MAG: variants seen among roughly 807,000 people sequenced by gnomAD.
MAG encodes myelin-associated glycoprotein.
In MAG, 30 loss-of-function variants were observed where a neutral mutation model predicts 60.7. The ratio of observed to expected loss-of-function variants is 0.49; its 90% CI spans 0.37 to 0.67. The LOEUF (loss-of-function observed/expected upper bound fraction) is 0.67. Among genes scored for constraint, MAG ranks in the 30% least tolerant of loss-of-function variants. The pLI is 0.00. For synonymous variants in MAG, 384 were observed against 376.8 expected (o/e 1.02, Z -0.22); for missense variants, 795 against 851.7 (o/e 0.93, Z 0.83).
intron 4 of MAG, among the ~76,000 whole-genome samples, chr19:35,297,798 C>T (rs533073280): frequency 6.7e-6 from 1 of 148,666 alleles, no homozygotes; most frequent in South Asian, 2.2e-4. Context: ...CCCCACATCA[C>T]AACACAAACC....
chr19:35,310,550 G>T lies in MAG; in HGVS notation c.1523G>T (p.Arg508Leu). The T allele has an allele frequency of 6.2e-7, 1 of 1,614,104 alleles. No individual in the cohort carries two copies. The highest frequency in any genetic ancestry group is 8.5e-7 in the Non-Finnish European group (1 of 1,180,032). ...SLELPFQGAH[R>L]LMWAKIGPVG... ...CCTGGGTCTTTTCTGTCCTCAGATC[G>T]ACTGATGTGGGCCAAGATCGGGCCT... Residue 508 changes from arginine (R) to leucine (L), a missense_variant, in exon 9 of 11, where the codon CGA (arginine) becomes CTA (leucine). Transcript: ENST00000392213.
chr19:35,297,990 C>G (rs1192879416), intron 4 of MAG, among the ~76,000 whole-genome samples: 1 of 149,488 alleles, frequency 6.7e-6, no homozygotes, highest in East Asian at 2.0e-4. Flanking sequence ...AAACCACACA[C>G]CACACACTGC....
rs1336850247 is a variant in MAG, at chr19:35,293,875, G to A, written c.-79-360G>A. 6.6e-6 allele frequency among the ~76,000 whole-genome samples: 1 copy of A among 152,066 alleles called. No individual in the cohort carries two copies. The highest frequency in any genetic ancestry group is 6.6e-5 in the Admixed American group (1 of 15,260). ...CGGCAGGAATTCACGCGGCATGTCG[G>A]GAATGCTGATACTGTGAAACCCAGT... On this transcript the variant is annotated intron_variant, in intron 1 of 10. Transcript: ENST00000392213. The surrounding 1 kb of genome is among the most constrained non-coding windows in gnomAD (Gnocchi z 4.0).
chr19:35,302,754 G>A, intron 7 of MAG, 46 bp downstream of exon 7: 1 of 1,595,544 alleles, frequency 6.3e-7, no homozygotes, highest in Non-Finnish European at 8.5e-7. Context: ...CGGTTCCGTG[G>A]GGGACACCAG....
rs1178131629 is a variant in MAG at position 35,293,205 on chromosome 19, G to A, written c.-80+1001G>A. Among the ~76,000 whole-genome samples, 2 of 151,824 alleles carry A rather than the reference G, an allele frequency of 1.3e-5. No individual in the cohort carries two copies. The highest frequency in any genetic ancestry group is 4.9e-5 in the African/African-American group (2 of 41,182). On this transcript the variant is annotated intron_variant, in intron 1 of 10. Transcript: ENST00000392213. This position sits in a 1 kb window ranked among gnomAD's most constrained non-coding sequence, Gnocchi z 4.0. ...TCCATCGGCGCGTGTCTGAGTGGAC[G>A]CGTCTATAGCCATCCTCAGTGTGTG...
In MAG at chr19:35,295,564, G is replaced by C; in HGVS notation, c.47-49G>C. ...GTTGGGGATGGGAGCCGGAGGGGGT[G>C]ATCGGGTAGGACGTGTCCCTGAGCC... is the stretch of plus-strand genomic sequence containing the variant. On this transcript the variant is annotated intron_variant, in intron 3 of 10. Transcript: ENST00000392213. The surrounding 1 kb of genome is among the most constrained non-coding windows in gnomAD (Gnocchi z 5.8). The C allele has an allele frequency of 6.3e-7, 1 of 1,595,398 alleles. No individual in the cohort carries two copies. The highest frequency in any genetic ancestry group is 8.5e-7 in the Non-Finnish European group (1 of 1,171,392).
Position 35,313,543 on chromosome 19 carries a change from C to T in MAG, c.*89C>T, listed in dbSNP as rs200637042. On this transcript the variant is annotated 3_prime_UTR_variant, in exon 11 of 11. Coordinates refer to ENST00000392213, the MANE Select transcript of MAG (RefSeq NM_002361.4). Reference sequence around the variant, plus strand: ...TGGGCTCCCTTCCTCCCAAAAGTATCGGGGGCTGGGGCAGGAGGGGAGTGA... The same window carrying T: ...TGGGCTCCCTTCCTCCCAAAAGTATTGGGGGCTGGGGCAGGAGGGGAGTGA... 58 of 1,364,318 alleles carry T rather than the reference C, an allele frequency of 4.3e-5. No individual in the cohort carries two copies. Among genetic ancestry groups the T allele is most frequent in the Admixed American group, 7.6e-5 (3 of 39,512 alleles). The allele number at this position is 1,364,318 out of a possible 1,614,324, so 84.5% of individuals were successfully genotyped here. A position where few individuals can be genotyped will look rare whatever the true frequency, so the allele number is the denominator to read the frequency against.
chr19:35,301,756 G>C (rs1038069233), intron 6 of MAG, among the ~76,000 whole-genome samples: 1 of 152,050 alleles, frequency 6.6e-6, no homozygotes, highest in Admixed American at 6.6e-5. Context: ...AGTAGAGACA[G>C]GGTTTCACCA....
At chr19:35,312,294 C>T (rs772706609) in intron 10 of MAG, 1 of 1,613,620 alleles carries the variant, frequency 6.2e-7, no homozygotes, top group South Asian at 1.1e-5. Context: ...AAAGAGGTTT[C>T]TACCCTGGAA....
chr19:35,305,973 A>G, intron 7 of MAG, among the ~76,000 whole-genome samples: 1 of 113,766 alleles, frequency 8.8e-6, no homozygotes, highest in Non-Finnish European at 1.7e-5. Context: ...TCCAGCCTGG[A>G]TGACAGAGCA....
At chr19:35,292,683 A>G (rs1263879485) in intron 1 of MAG, among the ~76,000 whole-genome samples, 1 of 151,724 alleles carries the variant, frequency 6.6e-6, no homozygotes, top group Non-Finnish European at 1.5e-5. Context: ...GTGCACACAC[A>G]TGGCTGCCCA....
At chr19:35,304,604 G>T (rs1322810566) in intron 7 of MAG, among the ~76,000 whole-genome samples, 2 of 152,068 alleles carry the variant, frequency 1.3e-5, no homozygotes, top group South Asian at 4.2e-4. Flanking sequence ...GCAGTGGCAC[G>T]ATCTTGGCTC....
At chr19:35,310,733 C>A in intron 9 of MAG, 90 bp downstream of exon 9, 1 of 1,092,548 alleles carries the variant, frequency 9.2e-7, no homozygotes, top group Non-Finnish European at 1.4e-6. Flanking sequence ...TGGGGGAAGG[C>A]AGCACCATAA....
In MAG at chr19:35,293,644, G is replaced by A. The variant is rs139803117; in HGVS notation, c.-79-591G>A. Among the ~76,000 whole-genome samples the A allele has an allele frequency of 1.2e-3, 178 of 152,140 alleles. No individual in the cohort carries two copies. Among genetic ancestry groups the A allele is most frequent in the Middle Eastern group, 3.4e-3 (1 of 294 alleles). ...ACCCATGGAGCAGCAGGGTGCCAGGGGCTCGCTAGCCCCCACCCTGGGCCT... is the reference window on the plus strand; with the variant it reads ...ACCCATGGAGCAGCAGGGTGCCAGGAGCTCGCTAGCCCCCACCCTGGGCCT... On this transcript the variant is annotated intron_variant, in intron 1 of 10. Coordinates refer to ENST00000392213, the MANE Select transcript of MAG (RefSeq NM_002361.4). This position sits in a 1 kb window ranked among gnomAD's most constrained non-coding sequence, Gnocchi z 4.0.
intron 9 of MAG, among the ~76,000 whole-genome samples, chr19:35,311,476 A>AACAG (rs140512779): frequency 1.5e-4 from 23 of 151,692 alleles, no homozygotes; most frequent in Admixed American, 3.3e-4. Context: ...AAAACAAACA[A>AACAG]ACAGACAGAC....
At position 35,295,938 on chromosome 19, in the gene MAG, C is replaced by CA. The variant is rs1350732180; in HGVS notation, c.374dup (p.Asn125LysfsTer47). The CA allele has an allele frequency of 6.2e-7, 1 of 1,611,948 alleles. No homozygotes were observed. Among genetic ancestry groups the CA allele is most frequent in the Admixed American group, 1.7e-5 (1 of 59,754 alleles). On this transcript the variant is annotated frameshift_variant, in exon 4 of 11. Transcript: ENST00000392213. LOFTEE classifies it high-confidence loss of function. The surrounding 1 kb of genome is among the most constrained non-coding windows in gnomAD (Gnocchi z 5.8). ...ACTTCCGTGGGGACCTGGGCGGCTA[C>CA]AACCAGTACACCTTCTCAGAGCACA...
intron 10 of MAG, chr19:35,312,558 C>T (rs900725613): frequency 6.2e-6 from 3 of 480,288 alleles, no homozygotes; most frequent in Non-Finnish European, 1.1e-5. Context: ...GGGTGGGAAG[C>T]GTGGGGGGAA....
chr19:35,302,392 G>A (rs924789707), intron 6 of MAG, 56 bp from the exon 7 acceptor site: 9 of 1,597,214 alleles, frequency 5.6e-6, no homozygotes, highest in African/African-American at 2.7e-5. Context: ...ATGGTAGTTG[G>A]CTGGCAGAAG....
At chr19:35,310,408 C>T in intron 8 of MAG, 139 bp from the exon 9 acceptor site, 2 of 846,706 alleles carry the variant, frequency 2.4e-6, no homozygotes, top group Middle Eastern at 2.3e-4. Flanking sequence ...CACGAGGAGG[C>T]TCCGTGCCAA....
Sources: gnomAD v4.1 joint callset for allele counts (sites outside exome capture counted in the v4.1 genomes callset) on GRCh38, gnomAD v4.1.1 for gene constraint, Gnocchi (gnomAD v3.1) non-coding constraint, MANE v1.5 for transcripts, NCBI Gene and HGNC (gene_info 2026-07-23, HGNC 2026-07-21) for gene names.